Variants in ANXA13 observed in about 807,000 individuals in gnomAD.
ANXA13 encodes the protein annexin XIII.
A neutral mutation model predicts 46.6 loss-of-function variants in ANXA13; 36 were observed. That is an observed-to-expected ratio of 0.77 (90% CI 0.59 to 1.02). The LOEUF (loss-of-function observed/expected upper bound fraction) is 1.02. Ranked by LOEUF, ANXA13 falls within the 50% of genes least tolerant of loss-of-function variation. The probability of loss-of-function intolerance (pLI) is 0.00; values close to 1 mark genes in which losing one functional copy is unlikely to be tolerated. For missense variants in ANXA13, 417 were observed against 396.5 expected (o/e 1.05, Z -0.44); for synonymous variants, 163 against 152.9 (o/e 1.07, Z -0.49).
At chr8:123,696,941 G>A (rs1393316247) in intron 4 of ANXA13, among the ~76,000 whole-genome samples, 1 of 152,138 alleles carries the variant, frequency 6.6e-6, no homozygotes, top group Non-Finnish European at 1.5e-5. Flanking sequence ...ACGAAGTCTC[G>A]CTCTGTCGCT....
intron 9 of ANXA13, among the ~76,000 whole-genome samples, chr8:123,686,698 C>T (rs1813146313): frequency 1.3e-5 from 2 of 152,084 alleles, no homozygotes; most frequent in Non-Finnish European, 2.9e-5. Flanking sequence ...TGCATTGTAA[C>T]AGGTGATTCC....
chr8:123,715,519 T>C (rs1229714615), intron 1 of ANXA13, among the ~76,000 whole-genome samples: 2 of 152,218 alleles, frequency 1.3e-5, no homozygotes, highest in African/African-American at 4.8e-5. Flanking sequence ...GCAGAGAATT[T>C]TTTGGGACAC....
intron 6 of ANXA13, 43 bp from the exon 7 acceptor site, chr8:123,693,822 G>T: frequency 1.3e-6 from 2 of 1,549,990 alleles, no homozygotes; most frequent in Non-Finnish European, 8.9e-7. Context: ...ATTCCTGCTT[G>T]ACCACAGAAA....
chr8:123,692,985 T>C (rs1284545825), intron 8 of ANXA13, among the ~76,000 whole-genome samples: 2 of 152,206 alleles, frequency 1.3e-5, no homozygotes, highest in Middle Eastern at 3.4e-3. Flanking sequence ...CGGGCCTCTG[T>C]TCACTAGATG....
At chr8:123,731,996 A>G (rs1451977537) in intron 1 of ANXA13, among the ~76,000 whole-genome samples, 4 of 152,188 alleles carry the variant, frequency 2.6e-5, no homozygotes, top group African/African-American at 7.2e-5. Context: ...CTTGGGGGGC[A>G]GGGGATGGAG....
At chr8:123,728,732 T>C (rs1262694762) in intron 1 of ANXA13, 1 of 152,230 alleles carries the variant, frequency 6.6e-6, no homozygotes, top group Non-Finnish European at 1.5e-5. Context: ...AGCAAATTTC[T>C]GTCTCAATCA....
chr8:123,712,641 C>G, intron 2 of ANXA13, 37 bp downstream of exon 2: 11 of 1,596,506 alleles, frequency 6.9e-6, no homozygotes, highest in Non-Finnish European at 9.5e-6. Context: ...GTTTAATCAA[C>G]TTCAGAAGCA....
At chr8:123,704,027 G>A (rs539025233) in intron 2 of ANXA13, among the ~76,000 whole-genome samples, 1 of 152,200 alleles carries the variant, frequency 6.6e-6, no homozygotes. Flanking sequence ...CCACCTCTAA[G>A]ATGAGGGTAA....
chr8:123,681,133 C>A lies in ANXA13; in HGVS notation c.*107G>T. 7.1e-7 allele frequency: 1 copy of A among 1,412,812 alleles called. No homozygotes were observed. Among genetic ancestry groups the A allele is most frequent in the South Asian group, 1.6e-5 (1 of 62,604 alleles). 87.5% of individuals were successfully genotyped at this position (1,412,812 alleles called of 1,614,324 possible). The stretch of plus-strand genomic sequence containing the variant: ...CACTTAAGCTGCCAAGAAAGTAATC[C>A]GGGACTCTTAAGGGTTTTCGTGCGG... On this transcript the variant is annotated 3_prime_UTR_variant, in exon 11 of 11. Transcript: ENST00000419625.
intron 1 of ANXA13, among the ~76,000 whole-genome samples, chr8:123,713,736 C>G (rs1247743445): frequency 6.6e-6 from 1 of 152,138 alleles, no homozygotes; most frequent in Non-Finnish European, 1.5e-5. Context: ...CTCTGTCAAC[C>G]AGGCTGGAGT....
rs1203379078 is a variant in ANXA13, at chr8:123,684,103, A to C, written c.831+507T>G. Among the ~76,000 whole-genome samples, 30 of 152,350 alleles carry C rather than the reference A, an allele frequency of 2.0e-4. No homozygotes were observed. In the Middle Eastern group the frequency reaches 0.014, roughly 69 times the overall value. On this transcript the variant is annotated intron_variant, in intron 10 of 10. Coordinates refer to ENST00000419625, the MANE Select transcript of ANXA13 (RefSeq NM_004306.4). ...ACATTTCTTGTGGGGAAGGGATGGCAATGAAGAAACACGTGTCTAAAAAGG... is the reference window on the plus strand; with the variant it reads ...ACATTTCTTGTGGGGAAGGGATGGCCATGAAGAAACACGTGTCTAAAAAGG...
intron 8 of ANXA13, 140 bp from the exon 9 acceptor site, chr8:123,689,086 C>A: frequency 2.7e-6 from 2 of 747,998 alleles, no homozygotes; most frequent in Non-Finnish European, 4.5e-6. Context: ...CTGACTCTTG[C>A]CTTGTAGGAT....
At chr8:123,736,170 C>A (rs113405898) in intron 1 of ANXA13, among the ~76,000 whole-genome samples, 2,368 of 152,298 alleles carry the variant, frequency 0.016, 53 homozygotes, top group African/African-American at 0.054. Flanking sequence ...TTGTAAACAT[C>A]TGAGTGCAGC....
At position 123,681,135 on chromosome 8, in the gene ANXA13, G is replaced by A; in HGVS notation, c.*105C>T. On this transcript the variant is annotated 3_prime_UTR_variant, in exon 11 of 11. Coordinates refer to ENST00000419625, the MANE Select transcript of ANXA13 (RefSeq NM_004306.4). ...CTTAAGCTGCCAAGAAAGTAATCCGGGACTCTTAAGGGTTTTCGTGCGGGA... is the reference window on the plus strand; with the variant it reads ...CTTAAGCTGCCAAGAAAGTAATCCGAGACTCTTAAGGGTTTTCGTGCGGGA... 1.4e-6 allele frequency: 2 copies of A among 1,415,198 alleles called. No homozygotes were observed. Among genetic ancestry groups the A allele is most frequent in the Non-Finnish European group, 1.9e-6 (2 of 1,061,642 alleles). The allele number at this position is 1,415,198 out of a possible 1,614,324, so 87.7% of individuals were successfully genotyped here.
At chr8:123,692,177 T>TA (rs1328121533) in intron 8 of ANXA13, among the ~76,000 whole-genome samples, 3 of 152,290 alleles carry the variant, frequency 2.0e-5, no homozygotes, top group African/African-American at 7.2e-5. Context: ...TCAGCTGAGG[T>TA]AGGAGCTCAG....
intron 2 of ANXA13, among the ~76,000 whole-genome samples, chr8:123,710,146 T>G (rs547814342): frequency 1.3e-5 from 2 of 152,328 alleles, no homozygotes; most frequent in East Asian, 3.9e-4. Flanking sequence ...ACAAAAAATT[T>G]GTGGCCATAT....
At chr8:123,726,951 G>A (rs940687370) in intron 1 of ANXA13, among the ~76,000 whole-genome samples, 1 of 152,178 alleles carries the variant, frequency 6.6e-6, no homozygotes, top group Non-Finnish European at 1.5e-5. Context: ...AGTAACTCAG[G>A]AACAGAAAAC....
chr8:123,693,849 A>C (rs1813284740), intron 6 of ANXA13, 70 bp from the exon 7 acceptor site: 1 of 1,410,594 alleles, frequency 7.1e-7, no homozygotes. Flanking sequence ...TAACAAAAAA[A>C]ACAAAGTCCT....
chr8:123,686,728 C>T (rs1813146876), intron 9 of ANXA13, among the ~76,000 whole-genome samples: 1 of 152,140 alleles, frequency 6.6e-6, no homozygotes, highest in Non-Finnish European at 1.5e-5. Flanking sequence ...GGTCCATAGA[C>T]CTCACTTTGA....
Sources: allele counts gnomAD v4.1 joint callset (sites outside exome capture counted in the v4.1 genomes callset), GRCh38; gene constraint gnomAD v4.1.1; transcripts MANE v1.5; gene names NCBI Gene and HGNC (gene_info 2026-07-23, HGNC 2026-07-21).